AMPD2: variants seen among roughly 807,000 people sequenced by gnomAD.
The protein encoded by AMPD2 is AMP deaminase 2.
Under a neutral mutation model 91.3 loss-of-function variants are expected in AMPD2, and 52 were observed. The ratio of observed to expected loss-of-function variants is 0.57; its 90% confidence interval spans 0.46 to 0.72. The LOEUF is 0.72. Ranked by LOEUF, AMPD2 falls within the 30% of genes least tolerant of loss-of-function variation. AMPD2 has a pLI of 0.00. For missense variants in AMPD2, 822 were observed against 1,122.3 expected, an observed-to-expected ratio of 0.73 and a Z score of 3.82; for synonymous variants, 455 against 456.4, an observed-to-expected ratio of 1.00 and a Z score of 0.04.
chr1:109,626,102 C>A (rs1309512030), intron 4 of AMPD2, 58 bp from the exon 5 acceptor site: 49 of 1,591,028 alleles, frequency 3.1e-5, no homozygotes, highest in Non-Finnish European at 4.1e-5. Flanking sequence ...GTGCTGGGAC[C>A]TGGGAGCAAG....
rs1474918064 is a variant in AMPD2 at position 109,628,288 on chromosome 1, G to A, written c.1275+11G>A. The A allele has an allele frequency of 1.2e-6, 2 of 1,612,896 alleles. No homozygotes were observed. Among genetic ancestry groups the A allele is most frequent in the Middle Eastern group, 1.6e-4 (1 of 6,082 alleles). On this transcript the variant is annotated intron_variant, in intron 11 of 18. Coordinates refer to ENST00000528667, the MANE Select transcript of AMPD2 (RefSeq NM_001368809.2). This position sits in a 1 kb window ranked among gnomAD's most constrained non-coding sequence, Gnocchi z 7.1. Reference sequence around the variant, plus strand: ...CTGGATGTGCATGCGGTCTGTGCCAGTGGCGTGGGCTGTGGGACTGAGTCA... The same window carrying A: ...CTGGATGTGCATGCGGTCTGTGCCAATGGCGTGGGCTGTGGGACTGAGTCA...
chr1:109,630,624 A>G, intron 17 of AMPD2, 59 bp from the exon 18 acceptor site: 23 of 1,456,432 alleles, frequency 1.6e-5, no homozygotes, highest in Non-Finnish European at 2.2e-5. Context: ...GAGGCTGGGG[A>G]AGGGAGGCAG....
intron 17 of AMPD2, 67 bp from the exon 18 acceptor site, chr1:109,630,616 G>A (rs1651148808): frequency 3.6e-6 from 5 of 1,404,560 alleles, no homozygotes; most frequent in Non-Finnish European, 4.9e-6. Context: ...TGAGTGAGGA[G>A]GCTGGGGAAG....
intron 1 of AMPD2, chr1:109,620,625 G>A: frequency 2.5e-6 from 3 of 1,210,798 alleles, no homozygotes; most frequent in Non-Finnish European, 3.1e-6. Context: ...GCTACCCCGG[G>A]AGCTGAGGGT....
chr1:109,620,676 A>C, intron 1 of AMPD2: 1 of 1,202,046 alleles, frequency 8.3e-7, no homozygotes, highest in African/African-American at 1.6e-5. Flanking sequence ...TTCACGGAGT[A>C]TGCCTGCCCT....
chr1:109,620,355 G>C lies in AMPD2; in HGVS notation c.-263+77G>C. ...TGTGGCCAGAGTGACAAGAGGGTGG[G>C]AGTCACAGCACAGCAGCAGGACCTA... is the stretch of plus-strand genomic sequence containing the variant. On this transcript the variant is annotated intron_variant, in intron 1 of 18. Coordinates refer to ENST00000528667, the MANE Select transcript of AMPD2 (RefSeq NM_001368809.2). 11 of 1,593,356 alleles carry C rather than the reference G, an allele frequency of 6.9e-6. No individual in the cohort carries two copies. The South Asian group carries it at 1.2e-4, about 18-fold the overall frequency.
chr1:109,625,753 G>A lies in AMPD2; in HGVS notation c.314G>A (p.Arg105Gln), dbSNP rs1650618181. Reference protein sequence around the residue: ...EESPIEQLEERRQRLERQISQ... With the variant: ...EESPIEQLEEQRQRLERQISQ... Reference sequence around the variant, plus strand: ...AGCCCCATTGAACAGCTGGAGGAGCGGCGGCAGCGGCTGGAGCGGCAGATC... The same window carrying A: ...AGCCCCATTGAACAGCTGGAGGAGCAGCGGCAGCGGCTGGAGCGGCAGATC... Residue 105 changes from arginine to glutamine, a missense_variant, in exon 4 of 19, where the codon CGG becomes CAG. Transcript: ENST00000528667. The surrounding 1 kb of genome is among the most constrained non-coding windows in gnomAD (Gnocchi z 4.0). 1.9e-6 allele frequency: 3 copies of A among 1,614,078 alleles called. No homozygotes were observed. The highest frequency in any genetic ancestry group is 2.5e-6 in the Non-Finnish European group (3 of 1,180,004).
intron 6 of AMPD2, 74 bp from the exon 7 acceptor site, chr1:109,626,652 T>C: frequency 1.3e-6 from 2 of 1,542,808 alleles, no homozygotes; most frequent in South Asian, 1.2e-5. Flanking sequence ...TAGTTTGGGT[T>C]CTAAGATAAG....
Position 109,628,600 on chromosome 1 carries a change from ACT to A in AMPD2, c.1408-41_1408-40del. On this transcript the variant is annotated intron_variant, in intron 12 of 18. Transcript: ENST00000528667. This position sits in a 1 kb window ranked among gnomAD's most constrained non-coding sequence, Gnocchi z 7.1. ...GCAGATGACCCCCTGAAGAGCTCTG[ACT>A]CAGCTCACCTCATGTCTGACTCAGC... 6.2e-7 allele frequency: 1 copy of A among 1,610,422 alleles called. No individual in the cohort carries two copies. Among genetic ancestry groups the A allele is most frequent in the Non-Finnish European group, 8.5e-7 (1 of 1,177,628 alleles).
chr1:109,629,359 C>A lies in AMPD2; in HGVS notation c.1731C>A (p.Ser577=). ...VDGFDSVDDE[S]KPENHVFNLE... The stretch of plus-strand genomic sequence containing the variant: ...GTTTTGACAGCGTGGATGATGAGTC[C>A]AAGCCTGAAAACCATGTCTTCAACC... The change falls in exon 15 of 19, where the codon TCC becomes TCA. Residue 577 remains serine, a synonymous_variant. Transcript: ENST00000528667. The A allele has an allele frequency of 6.2e-7, 1 of 1,614,154 alleles. No homozygotes were observed. Among genetic ancestry groups the A allele is most frequent in the South Asian group, 1.1e-5 (1 of 91,076 alleles).
chr1:109,620,187 G>T lies in AMPD2; in HGVS notation c.-354G>T. 6.3e-7 allele frequency: 1 copy of T among 1,596,038 alleles called. No homozygotes were observed. The highest frequency in any genetic ancestry group is 1.1e-5 in the South Asian group (1 of 90,644). On this transcript the variant is annotated 5_prime_UTR_variant, in exon 1 of 19. Transcript: ENST00000528667. ...GTGACTTGGCTGGGGTCTGTGGCCC[G>T]ATCCCCCTGCCGTCCCTCAGGACCC...
At position 109,627,485 on chromosome 1, in the gene AMPD2, A is replaced by G. The variant is rs778861470; in HGVS notation, c.917A>G (p.Asn306Ser). The G allele has an allele frequency of 8.1e-6, 13 of 1,613,896 alleles. No homozygotes were observed. Among genetic ancestry groups the G allele is most frequent in the Non-Finnish European group, 1.1e-5 (13 of 1,179,964 alleles). Residue 306 changes from asparagine (N) to serine (S), a missense_variant, in exon 9 of 19, where the codon AAT becomes AGT. This residue lies in a region of AMPD2 where 240 missense variants were observed against 270.3 expected (regional missense o/e 0.89). Coordinates refer to ENST00000528667, the MANE Select transcript of AMPD2 (RefSeq NM_001368809.2). ...CTGCAGGAATTTGTGGCTGACGTCAATGTGCTGATGGCCCTGATTATCAAT... is the reference window on the plus strand; with the variant it reads ...CTGCAGGAATTTGTGGCTGACGTCAGTGTGCTGATGGCCCTGATTATCAAT... ...PDLQEFVADV[N>S]VLMALIINGP...
intron 15 of AMPD2, 129 bp from the exon 16 acceptor site, chr1:109,629,667 T>C (rs1047854106): frequency 2.7e-6 from 4 of 1,465,648 alleles, no homozygotes; most frequent in Non-Finnish European, 3.7e-6. Context: ...AATCTACCCC[T>C]GTCCCCCTTA....
chr1:109,621,661 A>C (rs953568794), intron 2 of AMPD2, among the ~76,000 whole-genome samples: 1 of 152,220 alleles, frequency 6.6e-6, no homozygotes, highest in African/African-American at 2.4e-5. Flanking sequence ...TTTACCAGGC[A>C]GGCTTAGGCT....
intron 18 of AMPD2, 60 bp from the exon 19 acceptor site, chr1:109,630,883 G>A (rs761627352): frequency 4.4e-6 from 7 of 1,604,554 alleles, no homozygotes; most frequent in Non-Finnish European, 6.0e-6. Flanking sequence ...GATGGCTTGG[G>A]GTGGGGCATG....
Position 109,624,531 on chromosome 1 carries a change from G to A in AMPD2, c.92-772G>A, listed in dbSNP as rs923146540. 1.3e-5 allele frequency among the ~76,000 whole-genome samples: 2 copies of A among 152,198 alleles called. No individual in the cohort carries two copies. The highest frequency in any genetic ancestry group is 2.4e-5 in the African/African-American group (1 of 41,456). On this transcript the variant is annotated intron_variant, in intron 2 of 18. Coordinates refer to ENST00000528667, the MANE Select transcript of AMPD2 (RefSeq NM_001368809.2). The surrounding 1 kb of genome is among the most constrained non-coding windows in gnomAD (Gnocchi z 5.2). ...CCCCAGGGCCCTCTGTGGTGCCCCC[G>A]GTCCAGATCCTGGGGCCTGAGTGGC...
In AMPD2 at chr1:109,630,366, C is replaced by T. The variant is rs1419188118; in HGVS notation, c.2117C>T (p.Ser706Phe). Residue 706 changes from serine (S) to phenylalanine (F), a missense_variant, in exon 17 of 19, where the codon TCC becomes TTC. Transcript: ENST00000528667. ...PEYLSRGLMV[S>F]LSTDDPLQFH... The stretch of plus-strand genomic sequence containing the variant: ...TACCTGTCCCGCGGCCTCATGGTCT[C>T]CCTGTCCACTGATGATCCCTTGCAG... 2 of 1,613,894 alleles carry T rather than the reference C, an allele frequency of 1.2e-6. No individual in the cohort carries two copies. The highest frequency in any genetic ancestry group is 1.7e-6 in the Non-Finnish European group (2 of 1,179,990).
At chr1:109,620,429 G>C (rs1255762804) in intron 1 of AMPD2, 151 bp downstream of exon 1, 3 of 1,360,858 alleles carry the variant, frequency 2.2e-6, no homozygotes, top group Non-Finnish European at 3.0e-6. Context: ...CAGAGCCAGA[G>C]TGTGCAGAGA....
intron 1 of AMPD2, chr1:109,620,573 T>C (rs1003120374): frequency 1.6e-6 from 2 of 1,243,370 alleles, no homozygotes; most frequent in Non-Finnish European, 2.0e-6. Flanking sequence ...CCCTCCCTCC[T>C]GGGCTGGGAT....
Sources: gnomAD v4.1 joint callset for allele counts (sites outside exome capture counted in the v4.1 genomes callset) on GRCh38, gnomAD v4.1.1 for gene constraint, gnomAD v4.1.1 regional missense constraint, Gnocchi (gnomAD v3.1) non-coding constraint, MANE v1.5 for transcripts, NCBI Gene and HGNC (gene_info 2026-07-23, HGNC 2026-07-21) for gene names.